Variants in SV2C observed in about 807,000 individuals in gnomAD.
SV2C encodes the protein synaptic vesicle glycoprotein 2C.
SV2C carries 49 observed loss-of-function variants against 79.7 expected under a neutral mutation model. That is an observed-to-expected ratio of 0.61 (90% confidence interval 0.49 to 0.78). The LOEUF (loss-of-function observed/expected upper bound fraction) is 0.78. Ranked by LOEUF, SV2C falls within the 30% of genes least tolerant of loss-of-function variation. The probability of loss-of-function intolerance (pLI) is 0.00; values close to 1 mark genes in which losing one functional copy is unlikely to be tolerated. For missense variants in SV2C, 833 were observed against 912.9 expected (o/e 0.91, Z 1.13); for synonymous variants, 334 against 333.2 (o/e 1.00, Z -0.03).
chr5:75,997,913 T>C, the SV2C span, among the ~76,000 whole-genome samples: 1 of 152,072 alleles, frequency 6.6e-6, no homozygotes, highest in African/African-American at 2.4e-5. Context: ...GTGGCACTAT[T>C]CACAATAGCA....
At chr5:76,122,121 T>G (rs1312569077) in intron 1 of SV2C, among the ~76,000 whole-genome samples, 2 of 151,084 alleles carry the variant, frequency 1.3e-5, no homozygotes, top group Non-Finnish European at 2.9e-5. Flanking sequence ...TAATTTATTC[T>G]CTTTGAAGCA....
intron 4 of SV2C, among the ~76,000 whole-genome samples, chr5:76,243,171 A>G (rs2112425043): frequency 6.6e-6 from 1 of 152,278 alleles, no homozygotes; most frequent in South Asian, 2.1e-4. Context: ...TGCTCAGTAA[A>G]TGGTTGCTGT....
chr5:76,006,342 T>C, the SV2C span, among the ~76,000 whole-genome samples: 1 of 152,166 alleles, frequency 6.6e-6, no homozygotes, highest in Non-Finnish European at 1.5e-5. Context: ...TCCTCTTCTT[T>C]TCCCTGCTTT....
At chr5:76,195,915 A>C (rs1744257833) in intron 3 of SV2C, among the ~76,000 whole-genome samples, 1 of 152,214 alleles carries the variant, frequency 6.6e-6, no homozygotes, top group Admixed American at 6.5e-5. Context: ...CTTAAAAGTT[A>C]AATATATCTA....
chr5:75,850,438 C>T, the SV2C span, among the ~76,000 whole-genome samples: 1 of 152,058 alleles, frequency 6.6e-6, no homozygotes, highest in African/African-American at 2.4e-5. Context: ...ACTCTAGCTT[C>T]TTATTTTTTT....
intron 2 of SV2C, chr5:76,173,501 T>G: frequency 1.1e-6 from 1 of 942,316 alleles, no homozygotes. Flanking sequence ...CATCCGCCTC[T>G]TAAAGGGTAC....
the SV2C span, among the ~76,000 whole-genome samples, chr5:75,853,964 C>A: frequency 1.4e-5 from 2 of 145,982 alleles, no homozygotes; most frequent in African/African-American, 5.0e-5. Context: ...TATGTACTAC[C>A]ACAATTAAAA....
rs371523559 is a variant in SV2C at position 76,298,878 on chromosome 5, C to T, written c.1587C>T (p.Asn529=). The T allele has an allele frequency of 8.1e-6, 13 of 1,613,858 alleles. No individual in the cohort carries two copies. The African/African-American group carries it at 1.3e-4, about 17-fold the overall frequency. The change falls in exon 10 of 13, where the codon AAC becomes AAT. Residue 529 remains asparagine (N), a synonymous_variant. Coordinates refer to ENST00000502798, the MANE Select transcript of SV2C (RefSeq NM_014979.4). ...SCTFEDVTSV[N]TYFKNCTFID... ...CCTTTGAGGATGTAACTTCAGTGAA[C>T]ACCTACTTCAAGAACTGCACATTTA...
At chr5:76,196,955 T>G (rs1018572667) in intron 3 of SV2C, among the ~76,000 whole-genome samples, 2 of 152,200 alleles carry the variant, frequency 1.3e-5, no homozygotes, top group African/African-American at 4.8e-5. Context: ...CAGAGACAAC[T>G]TAGATGTATT....
At chr5:76,352,677 G>A (rs912902764) in intron 12 of SV2C, among the ~76,000 whole-genome samples, 2 of 152,138 alleles carry the variant, frequency 1.3e-5, no homozygotes, top group East Asian at 1.9e-4. Flanking sequence ...TTCTGTTATA[G>A]CAGCACAAAA....
intron 1 of SV2C, among the ~76,000 whole-genome samples, chr5:76,120,587 A>G (rs1272645188): frequency 2.4e-4 from 32 of 132,764 alleles, no homozygotes; most frequent in African/African-American, 9.1e-4. Flanking sequence ...CTCATTGTTC[A>G]ATTCCCATCT....
At chr5:76,299,550 C>A (rs1747909169) in intron 10 of SV2C, among the ~76,000 whole-genome samples, 1 of 152,190 alleles carries the variant, frequency 6.6e-6, no homozygotes, top group Non-Finnish European at 1.5e-5. Context: ...ATTTCAAAGC[C>A]TGTGCCTTCC....
chr5:75,912,847 C>T, the SV2C span, among the ~76,000 whole-genome samples: 2 of 152,168 alleles, frequency 1.3e-5, no homozygotes, highest in Non-Finnish European at 2.9e-5. Context: ...AAGTAAGGTA[C>T]TTTTGCTTAA....
At chr5:75,982,764 C>T in the SV2C span, among the ~76,000 whole-genome samples, 227 of 152,152 alleles carry the variant, frequency 1.5e-3, no homozygotes, top group African/African-American at 5.1e-3. Flanking sequence ...ACATATATAC[C>T]CTGGAATACT....
intron 4 of SV2C, among the ~76,000 whole-genome samples, chr5:76,255,669 G>A (rs375908745): frequency 3.3e-5 from 5 of 152,122 alleles, no homozygotes; most frequent in East Asian, 3.9e-4. Flanking sequence ...TGTCAGCACC[G>A]TGCCTGTGAA....
chr5:76,156,249 G>C (rs911742567), intron 2 of SV2C, among the ~76,000 whole-genome samples: 5 of 152,174 alleles, frequency 3.3e-5, no homozygotes, highest in African/African-American at 1.2e-4. Flanking sequence ...TAGTGAAACA[G>C]AATCTTGCCA....
chr5:75,929,674 G>A, the SV2C span, among the ~76,000 whole-genome samples: 2 of 151,986 alleles, frequency 1.3e-5, no homozygotes, highest in Middle Eastern at 3.4e-3. Context: ...AAGTTTTGTT[G>A]GGTTGCAACA....
intron 4 of SV2C, among the ~76,000 whole-genome samples, chr5:76,221,920 C>T (rs1196548880): frequency 6.6e-6 from 1 of 152,164 alleles, no homozygotes; most frequent in Non-Finnish European, 1.5e-5. Flanking sequence ...GATGCCTACT[C>T]CATGAGCTGT....
intron 2 of SV2C, among the ~76,000 whole-genome samples, chr5:76,158,716 A>C (rs958061179): frequency 1.3e-5 from 2 of 152,034 alleles, no homozygotes; most frequent in Non-Finnish European, 2.9e-5. Flanking sequence ...ACATTCTCAG[A>C]ACACTATGAA....
Sources: gnomAD v4.1 joint callset for allele counts (sites outside exome capture counted in the v4.1 genomes callset) on GRCh38, gnomAD v4.1.1 for gene constraint, MANE v1.5 for transcripts, NCBI Gene and HGNC (gene_info 2026-07-23, HGNC 2026-07-21) for gene names.